UBXN2A: variants seen among roughly 807,000 people sequenced by gnomAD.
The protein encoded by UBXN2A is UBX domain protein 2A.
UBXN2A carries 28 observed loss-of-function variants against 28.4 expected under a neutral mutation model. That is an observed-to-expected ratio of 0.99 (90% CI 0.73 to 1.35). The LOEUF (loss-of-function observed/expected upper bound fraction) is 1.35, where lower values mean the gene tolerates loss of function less well. UBXN2A is among the 40% of genes most tolerant of loss of function. The probability of loss-of-function intolerance (pLI) is 0.00; values close to 1 mark genes in which losing one functional copy is unlikely to be tolerated. For missense variants in UBXN2A, 253 were observed against 297.9 expected, an observed-to-expected ratio of 0.85 and a Z score of 1.11; for synonymous variants, 97 against 103.6, an observed-to-expected ratio of 0.94 and a Z score of 0.39.
chr2:23,957,315 T>C (rs985431005), intron 1 of UBXN2A, among the ~76,000 whole-genome samples: 2 of 151,962 alleles, frequency 1.3e-5, no homozygotes, highest in African/African-American at 4.8e-5. Context: ...CTAACTTTTT[T>C]TTTCTGAGAT....
intron 2 of UBXN2A, among the ~76,000 whole-genome samples, chr2:23,963,404 A>G (rs1387623828): frequency 1.3e-5 from 2 of 149,936 alleles, no homozygotes; most frequent in Admixed American, 6.8e-5. Flanking sequence ...AATCCCAACT[A>G]CTCGGGGGGC....
intron 1 of UBXN2A, among the ~76,000 whole-genome samples, chr2:23,933,937 C>G (rs567958077): frequency 6.6e-6 from 1 of 151,974 alleles, no homozygotes; most frequent in Non-Finnish European, 1.5e-5. Context: ...GACATTAGGC[C>G]GGGAGTGGTG....
At chr2:23,975,172 A>G (rs1707602560) in intron 3 of UBXN2A, among the ~76,000 whole-genome samples, 1 of 152,326 alleles carries the variant, frequency 6.6e-6, no homozygotes, top group East Asian at 1.9e-4. Context: ...GATGTTATAC[A>G]GTGATGCATG....
chr2:23,977,035 G>A lies in UBXN2A; in HGVS notation c.247G>A (p.Asp83Asn), dbSNP rs187715305. Residue 83 changes from aspartate to asparagine, a missense_variant, in exon 4 of 7, where the codon GAT (aspartate) becomes AAT (asparagine). Coordinates refer to ENST00000309033, the MANE Select transcript of UBXN2A (RefSeq NM_181713.4). The stretch of plus-strand genomic sequence containing the variant: ...CAACGACGATTTCAGAAGTTATTCC[G>A]ATGGTGCCAGTCAGCAGTTTTTGAA... Reference protein sequence around the residue: ...TVNDDFRSYSDGASQQFLNSI... With the variant: ...TVNDDFRSYSNGASQQFLNSI... The A allele has an allele frequency of 1.1e-4, 183 of 1,612,584 alleles. 3 individuals carry two copies. The East Asian group carries it at 2.0e-3, about 18-fold the overall frequency.
In UBXN2A at chr2:23,984,746, C is replaced by G. The variant is rs913286330; in HGVS notation, c.499C>G (p.Leu167Val). 9.6e-6 allele frequency: 15 copies of G among 1,564,948 alleles called. No homozygotes were observed. Among genetic ancestry groups the G allele is most frequent in the Non-Finnish European group, 1.3e-5 (15 of 1,164,610 alleles). Residue 167 changes from leucine to valine, a missense_variant, in exon 6 of 7, where the codon CTG (leucine) becomes GTG (valine). Transcript: ENST00000309033. ...TAAAAATAATTTGTCTGCTGTTCCA[C>G]TGAACAACTTGGAACCCATTACTAA... The part of the protein sequence containing the change: ...ENKNNLSAVP[L>V]NNLEPITNIQ...
rs1708718761 is a variant in UBXN2A, at chr2:24,001,174, G to A, written c.*1307G>A. On this transcript the variant is annotated 3_prime_UTR_variant, in exon 7 of 7. Transcript: ENST00000309033. ...CTTGGCTAATTTTGCATTTTTAGTA[G>A]ACACGGGATTTCACCATGTTGGTCA... The A allele has an allele frequency of 6.6e-6, 1 of 152,118 alleles. No individual in the cohort carries two copies. The highest frequency in any genetic ancestry group is 2.1e-4 in the South Asian group (1 of 4,826). 9.4% of individuals were successfully genotyped at this position (152,118 alleles called of 1,614,324 possible). A position where few individuals can be genotyped will look rare whatever the true frequency, so the allele number is the denominator to read the frequency against.
At chr2:23,947,647 G>T (rs953194873) in intron 1 of UBXN2A, among the ~76,000 whole-genome samples, 2 of 152,088 alleles carry the variant, frequency 1.3e-5, no homozygotes, top group Admixed American at 6.6e-5. Context: ...TGGTGACTTT[G>T]TGGTGTCTCC....
intron 6 of UBXN2A, among the ~76,000 whole-genome samples, chr2:23,991,030 C>T (rs1708333689): frequency 1.3e-5 from 2 of 152,156 alleles, no homozygotes; most frequent in South Asian, 4.1e-4. Context: ...ACCACAACTC[C>T]CAGCATTTCT....
intron 1 of UBXN2A, among the ~76,000 whole-genome samples, chr2:23,934,290 T>C (rs1705461558): frequency 6.6e-6 from 1 of 152,186 alleles, no homozygotes; most frequent in Non-Finnish European, 1.5e-5. Context: ...TTATTTAAAT[T>C]TCAAAAATTA....
chr2:23,962,112 C>T (rs1352960563), intron 2 of UBXN2A, among the ~76,000 whole-genome samples: 2 of 152,118 alleles, frequency 1.3e-5, no homozygotes, highest in Non-Finnish European at 2.9e-5. Context: ...CCCAAAAGTG[C>T]TAGGATTACA....
rs1296612900 is a variant in UBXN2A at position 23,962,636 on chromosome 2, G to C, written c.41+4281G>C. Among the ~76,000 whole-genome samples the C allele has an allele frequency of 4.1e-5, 5 of 122,786 alleles. No individual in the cohort carries two copies. The East Asian group carries it at 1.1e-3, about 27-fold the overall frequency. The allele number at this position is 122,786 out of a possible 152,430, so 80.6% of individuals were successfully genotyped here. A position where few individuals can be genotyped will look rare whatever the true frequency, so the allele number is the denominator to read the frequency against. On this transcript the variant is annotated intron_variant, in intron 2 of 6. Coordinates refer to ENST00000309033, the MANE Select transcript of UBXN2A (RefSeq NM_181713.4). The stretch of plus-strand genomic sequence containing the variant: ...TTTTTTTTTTTTGAGACGGAGTTTC[G>C]CTCTTGTTGCCCAGGCTGGAGTGCA...
upstream of UBXN2A, among the ~76,000 whole-genome samples, chr2:23,936,418 A>G (rs6710426): frequency 0.12 from 18,226 of 152,108 alleles, 1,178 homozygotes; most frequent in Middle Eastern, 0.21. Context: ...TAGAGACAGA[A>G]AGTAGAATAG....
Position 24,000,419 on chromosome 2 carries a change from G to C in UBXN2A, c.*552G>C, listed in dbSNP as rs1326187923. On this transcript the variant is annotated 3_prime_UTR_variant, in exon 7 of 7. Coordinates refer to ENST00000309033, the MANE Select transcript of UBXN2A (RefSeq NM_181713.4). Reference sequence around the variant, plus strand: ...TAGCTGGGCGTGGCGGTGCGCAACTGTAGTCCCAGCTACTCGGGAGGCTGA... The same window carrying C: ...TAGCTGGGCGTGGCGGTGCGCAACTCTAGTCCCAGCTACTCGGGAGGCTGA... 1 of 152,446 alleles carries C rather than the reference G, an allele frequency of 6.6e-6. No individual in the cohort carries two copies. The highest frequency in any genetic ancestry group is 1.5e-5 in the Non-Finnish European group (1 of 68,278). The allele number at this position is 152,446 out of a possible 1,614,324, so 9.4% of individuals were successfully genotyped here. A position where few individuals can be genotyped will look rare whatever the true frequency, so the allele number is the denominator to read the frequency against.
chr2:23,964,876 G>A (rs1276360585), intron 2 of UBXN2A, among the ~76,000 whole-genome samples: 6 of 152,162 alleles, frequency 3.9e-5, no homozygotes, highest in African/African-American at 1.4e-4. Flanking sequence ...GAGCGCAGTG[G>A]CTCACGTCTG....
rs532743411 is a variant in UBXN2A, at chr2:23,985,937, C to T, written c.584+1106C>T. ...CCAGGAGGTAGAGACTGCAGTGAGC[C>T]GAATTGCACCATTACACTGCAAGCC... On this transcript the variant is annotated intron_variant, in intron 6 of 6. Transcript: ENST00000309033. 2.6e-5 allele frequency among the ~76,000 whole-genome samples: 4 copies of T among 152,050 alleles called. No individual in the cohort carries two copies. The South Asian group carries it at 6.2e-4, about 24-fold the overall frequency.
At chr2:23,944,759 G>A (rs1705965873) in intron 1 of UBXN2A, among the ~76,000 whole-genome samples, 1 of 152,164 alleles carries the variant, frequency 6.6e-6, no homozygotes, top group African/African-American at 2.4e-5. Context: ...CTGCCTGTGA[G>A]TTGCTGGCTT....
rs200871152 is a variant in UBXN2A, at chr2:23,970,451, CT to C, written c.42-823del. Among the ~76,000 whole-genome samples the C allele has an allele frequency of 1.4e-3, 214 of 152,088 alleles. 2 individuals carry two copies. Among genetic ancestry groups the C allele is most frequent in the East Asian group, 0.014 (71 of 5,172 alleles). On this transcript the variant is annotated intron_variant, in intron 2 of 6. Transcript: ENST00000309033. ...GGATGGGGCAGGGATGTGCATCCTA[CT>C]TGTTGTATCTCATGGGTAAAGGCCA...
intron 6 of UBXN2A, among the ~76,000 whole-genome samples, chr2:23,992,417 T>G (rs1708387096): frequency 6.6e-6 from 1 of 152,196 alleles, no homozygotes; most frequent in Admixed American, 6.5e-5. Flanking sequence ...GGTAATAAAT[T>G]AAGGGGAACT....
At chr2:23,959,289 C>T (rs12151849) in intron 2 of UBXN2A, among the ~76,000 whole-genome samples, 70,505 of 151,704 alleles carry the variant, frequency 0.46, 17,073 homozygotes, top group East Asian at 0.78. Flanking sequence ...GTCAGGAGTT[C>T]GAGACCAGCC....
Sources: allele counts gnomAD v4.1 joint callset (sites outside exome capture counted in the v4.1 genomes callset), GRCh38; gene constraint gnomAD v4.1.1; transcripts MANE v1.5; gene names NCBI Gene and HGNC (gene_info 2026-07-23, HGNC 2026-07-21).